CD109: variants seen among roughly 807,000 people sequenced by gnomAD.
The protein encoded by CD109 is CD109 antigen.
In CD109, 149 loss-of-function variants were observed where a neutral mutation model predicts 165.8. The observed-to-expected ratio is 0.90, with a 90% confidence interval of 0.79 to 1.03. CD109 has a LOEUF of 1.03. CD109 is among the 50% of genes least tolerant of loss of function. CD109 has a pLI of 0.00. For missense variants in CD109, 1,712 were observed against 1,677.8 expected (o/e 1.02, Z -0.36); for synonymous variants, 585 against 592.1 (o/e 0.99, Z 0.18).
In CD109 at chr6:73,806,403, C is replaced by T. The variant is rs568128663; in HGVS notation, c.2961-441C>T. ...GGGAGGGATAGCATTAGGAGACATACCTAATGTAAATGACGCGTTAATGGG... is the reference window on the plus strand; with the variant it reads ...GGGAGGGATAGCATTAGGAGACATATCTAATGTAAATGACGCGTTAATGGG... On this transcript the variant is annotated intron_variant, in intron 24 of 32. Coordinates refer to ENST00000287097, the MANE Select transcript of CD109 (RefSeq NM_133493.5). Among the ~76,000 whole-genome samples, 6 of 152,130 alleles carry T rather than the reference C, an allele frequency of 3.9e-5. No individual in the cohort carries two copies. In the East Asian group the frequency reaches 1.2e-3, roughly 29 times the overall value.
At chr6:73,763,862 T>TA in intron 10 of CD109, among the ~76,000 whole-genome samples, 177 bp downstream of exon 10, 1 of 152,356 alleles carries the variant, frequency 6.6e-6, no homozygotes, top group East Asian at 1.9e-4. Context: ...CTATTTTTTC[T>TA]AAAAAAGTAG....
intron 22 of CD109, among the ~76,000 whole-genome samples, chr6:73,791,594 T>C (rs1774972628): frequency 6.6e-6 from 1 of 152,114 alleles, no homozygotes; most frequent in Admixed American, 6.6e-5. Context: ...ATTTTTATGC[T>C]TGATGTAAAG....
At chr6:73,749,304 A>G (rs987204378) in intron 5 of CD109, among the ~76,000 whole-genome samples, 1 of 152,192 alleles carries the variant, frequency 6.6e-6, no homozygotes, top group East Asian at 1.9e-4. Flanking sequence ...CAGCTGTAAA[A>G]TAAGGGGTTT....
intron 10 of CD109, among the ~76,000 whole-genome samples, chr6:73,765,352 T>G (rs1582123863): frequency 9.7e-5 from 14 of 144,632 alleles, no homozygotes; most frequent in Middle Eastern, 3.5e-3. Flanking sequence ...ATTTGGGGGG[T>G]GGGGAGAGGG....
intron 15 of CD109, among the ~76,000 whole-genome samples, chr6:73,775,558 G>T (rs973731003): frequency 2.0e-5 from 3 of 152,000 alleles, no homozygotes; most frequent in Non-Finnish European, 4.4e-5. Flanking sequence ...ACATGTGCAG[G>T]TTTGTTACAT....
chr6:73,810,476 C>A (rs980452191), intron 27 of CD109, among the ~76,000 whole-genome samples: 2 of 151,784 alleles, frequency 1.3e-5, no homozygotes, highest in Non-Finnish European at 2.9e-5. Flanking sequence ...TGCCACTTTT[C>A]ATCTGTGGTA....
At chr6:73,803,525 TTGTG>T (rs147157413) in intron 24 of CD109, among the ~76,000 whole-genome samples, 26 of 151,232 alleles carry the variant, frequency 1.7e-4, no homozygotes, top group African/African-American at 5.8e-4. Flanking sequence ...ATCCTCTTTT[TTGTG>T]TGTGTGTGTG....
At chr6:73,734,316 C>A (rs553491882) in intron 4 of CD109, among the ~76,000 whole-genome samples, 90 of 152,196 alleles carry the variant, frequency 5.9e-4, no homozygotes, top group Non-Finnish European at 1.1e-3. Flanking sequence ...TGTATGCCCT[C>A]ACTACCATAA....
chr6:73,798,521 C>T (rs1357320501), intron 23 of CD109, among the ~76,000 whole-genome samples: 2 of 152,062 alleles, frequency 1.3e-5, no homozygotes, highest in Non-Finnish European at 2.9e-5. Context: ...GGAAGGAAAC[C>T]TCACAGGACA....
the CD109 span, among the ~76,000 whole-genome samples, chr6:73,682,147 T>G: frequency 6.6e-6 from 1 of 152,082 alleles, no homozygotes; most frequent in Non-Finnish European, 1.5e-5. Flanking sequence ...AAGTCTTAAC[T>G]CACTTCAGCA....
chr6:73,751,022 C>T (rs80281568), intron 5 of CD109, among the ~76,000 whole-genome samples: 136 of 152,242 alleles, frequency 8.9e-4, no homozygotes, highest in African/African-American at 2.5e-3. Context: ...TTCTCCAGCT[C>T]GGGTCTTCTT....
rs543649536 is a variant in CD109, at chr6:73,775,690, A to G, written c.1827+4109A>G. 7.2e-5 allele frequency among the ~76,000 whole-genome samples: 11 copies of G among 152,040 alleles called. No individual in the cohort carries two copies. In the South Asian group the frequency reaches 1.9e-3, roughly 26 times the overall value. The stretch of plus-strand genomic sequence containing the variant: ...TGCTCCCACCCTCCACCCTCTGACA[A>G]TCTCTACTGTGTGTTGTTCCTCTCT... On this transcript the variant is annotated intron_variant, in intron 15 of 32. Coordinates refer to ENST00000287097, the MANE Select transcript of CD109 (RefSeq NM_133493.5).
chr6:73,718,570 CTT>C (rs796867633), intron 2 of CD109, among the ~76,000 whole-genome samples: 3 of 144,852 alleles, frequency 2.1e-5, no homozygotes, highest in East Asian at 2.0e-4. Flanking sequence ...GTGCATACAA[CTT>C]TTTTTTTTTT....
chr6:73,792,195 T>A (rs766613337), intron 22 of CD109, among the ~76,000 whole-genome samples: 32 of 152,224 alleles, frequency 2.1e-4, no homozygotes, highest in Non-Finnish European at 4.3e-4. Flanking sequence ...ATTGTTTTTT[T>A]AAAAAATTAT....
chr6:73,781,813 G>T (rs868082335), intron 17 of CD109, among the ~76,000 whole-genome samples: 2 of 64,416 alleles, frequency 3.1e-5, no homozygotes, highest in Admixed American at 1.6e-4. Flanking sequence ...AGACACACAC[G>T]CAGACACACA....
the CD109 span, among the ~76,000 whole-genome samples, chr6:73,686,245 A>T: frequency 6.6e-6 from 1 of 152,186 alleles, no homozygotes; most frequent in Non-Finnish European, 1.5e-5. Flanking sequence ...TGGCTGTTCA[A>T]ATTGATGTGT....
At chr6:73,731,653 G>A (rs1772373262) in intron 4 of CD109, among the ~76,000 whole-genome samples, 1 of 152,198 alleles carries the variant, frequency 6.6e-6, no homozygotes, top group Non-Finnish European at 1.5e-5. Flanking sequence ...AAGACTTGAT[G>A]TAATCTAACT....
intron 21 of CD109, 113 bp from the exon 22 acceptor site, chr6:73,788,355 C>T (rs921940659): frequency 2.7e-6 from 2 of 746,732 alleles, no homozygotes; most frequent in Non-Finnish European, 4.1e-6. Context: ...GCCTATTTAG[C>T]CACACACAAA....
chr6:73,753,003 C>T (rs900910531), intron 5 of CD109, among the ~76,000 whole-genome samples: 1 of 152,050 alleles, frequency 6.6e-6, no homozygotes, highest in Non-Finnish European at 1.5e-5. Context: ...TCACCTAGAA[C>T]GAACACTGAA....
Sources: allele counts gnomAD v4.1 joint callset (sites outside exome capture counted in the v4.1 genomes callset), GRCh38; gene constraint gnomAD v4.1.1; transcripts MANE v1.5; gene names NCBI Gene and HGNC (gene_info 2026-07-23, HGNC 2026-07-21).